The following LARGE1 variants were observed in gnomAD, a reference collection of about 807,000 sequenced individuals.
LARGE1 encodes LARGE xylosyl- and glucuronyltransferase 1, also known as xylosyl- and glucuronyltransferase LARGE1.
A neutral mutation model predicts 87.6 loss-of-function variants in LARGE1; 43 were observed. The ratio of observed to expected loss-of-function variants is 0.49; its 90% CI spans 0.38 to 0.63. LARGE1 has a LOEUF of 0.63. LARGE1 is among the 30% of genes least tolerant of loss of function. The pLI is 0.00. For missense variants in LARGE1, 802 were observed against 1,000.2 expected (o/e 0.80, Z 2.67); for synonymous variants, 434 against 394.6 (o/e 1.10, Z -1.18).
the LARGE1 span, among the ~76,000 whole-genome samples, chr22:33,079,391 A>C: frequency 2.6e-5 from 4 of 151,348 alleles, no homozygotes; most frequent in African/African-American, 7.3e-5. Flanking sequence ...CCACGCCCGG[A>C]TAATTTTTTG....
At chr22:33,234,511 A>G (rs1156620424) in intron 11 of LARGE1, among the ~76,000 whole-genome samples, 1 of 151,988 alleles carries the variant, frequency 6.6e-6, no homozygotes, top group East Asian at 1.9e-4. Context: ...TTTATAATAA[A>G]AAAGCAAGTT....
chr22:33,637,154 C>T (rs2080291534), intron 3 of LARGE1, among the ~76,000 whole-genome samples: 1 of 152,090 alleles, frequency 6.6e-6, no homozygotes, highest in Admixed American at 6.6e-5. Context: ...GCCTTGTCAC[C>T]TCTCCCCAGA....
chr22:33,851,908 G>A (rs1287182231), intron 1 of LARGE1, among the ~76,000 whole-genome samples: 2 of 152,194 alleles, frequency 1.3e-5, no homozygotes, highest in Admixed American at 1.3e-4. Flanking sequence ...GGAATGTTTG[G>A]TTGTTTTTGT....
chr22:33,139,150 C>T, the LARGE1 span, among the ~76,000 whole-genome samples: 1 of 152,112 alleles, frequency 6.6e-6, no homozygotes, highest in Non-Finnish European at 1.5e-5. Flanking sequence ...TCCAATTAAA[C>T]CCTTTTCCTT....
chr22:33,111,129 C>T, the LARGE1 span, among the ~76,000 whole-genome samples: 15 of 152,210 alleles, frequency 9.9e-5, no homozygotes, highest in African/African-American at 3.6e-4. Context: ...TTAGGAGGAG[C>T]TGGTTGTAGT....
the LARGE1 span, among the ~76,000 whole-genome samples, chr22:33,093,377 T>C: frequency 6.6e-6 from 1 of 152,178 alleles, no homozygotes; most frequent in Non-Finnish European, 1.5e-5. Context: ...TTATTTAACA[T>C]GCATGGGGAA....
chr22:33,665,901 GA>G (rs5845104), intron 2 of LARGE1, among the ~76,000 whole-genome samples: 150,482 of 150,590 alleles, frequency 1, 75,187 homozygotes, highest in East Asian at 1. Flanking sequence ...CAAGAAAAAA[GA>G]AAAAAAAAAG....
intron 6 of LARGE1, among the ~76,000 whole-genome samples, chr22:33,515,192 GCTCTTGACCCCAAAGCCACA>G (rs1384158480): frequency 3.9e-5 from 6 of 151,974 alleles, no homozygotes; most frequent in Non-Finnish European, 7.4e-5. Context: ...CAGACCGCAA[GCTCTTGACCCCAAAGCCACA>G]CTTGTTGGTG....
chr22:33,742,638 T>C (rs1601493754), intron 2 of LARGE1, among the ~76,000 whole-genome samples: 2 of 152,364 alleles, frequency 1.3e-5, no homozygotes, highest in East Asian at 3.9e-4. Flanking sequence ...CCCTACCACA[T>C]GGCGAGAGCA....
At chr22:33,346,375 T>C (rs143220392) in intron 9 of LARGE1, among the ~76,000 whole-genome samples, 2,139 of 151,866 alleles carry the variant, frequency 0.014, 68 homozygotes, top group African/African-American at 0.05. Context: ...CGATCTCAGC[T>C]CACTGCAATC....
intron 2 of LARGE1, among the ~76,000 whole-genome samples, chr22:33,689,467 A>G (rs2082034782): frequency 6.6e-6 from 1 of 152,204 alleles, no homozygotes; most frequent in Admixed American, 6.5e-5. Context: ...CAGGCAAGGA[A>G]CAGGGTTAGG....
intron 2 of LARGE1, among the ~76,000 whole-genome samples, chr22:33,752,306 C>G (rs1241506994): frequency 6.6e-6 from 1 of 152,060 alleles, no homozygotes; most frequent in Admixed American, 6.6e-5. Context: ...AAATGGCTAT[C>G]TTTTACTTAA....
At chr22:33,465,716 C>G (rs1344395491) in intron 6 of LARGE1, among the ~76,000 whole-genome samples, 1 of 152,198 alleles carries the variant, frequency 6.6e-6, no homozygotes, top group Non-Finnish European at 1.5e-5. Flanking sequence ...TTCTCCAGCC[C>G]TGGCACAGAC....
At chr22:33,279,107 ATGAG>A (rs895218479) in intron 13 of LARGE1, among the ~76,000 whole-genome samples, 8 of 152,058 alleles carry the variant, frequency 5.3e-5, no homozygotes, top group South Asian at 2.1e-4. Flanking sequence ...GAATGAATGA[ATGAG>A]TAACCTAACA....
intron 1 of LARGE1, among the ~76,000 whole-genome samples, chr22:33,808,737 CAA>C (rs1190524845): frequency 1.3e-5 from 2 of 152,300 alleles, no homozygotes; most frequent in African/African-American, 4.8e-5. Flanking sequence ...GTGTTTCATG[CAA>C]AGTCTATCCT....
chr22:33,394,486 C>T (rs2065652517), intron 7 of LARGE1, among the ~76,000 whole-genome samples: 1 of 152,200 alleles, frequency 6.6e-6, no homozygotes, highest in African/African-American at 2.4e-5. Flanking sequence ...GTGTGACCCA[C>T]TGCACCCAGC....
At chr22:33,237,481 T>C (rs1158519342) in intron 11 of LARGE1, among the ~76,000 whole-genome samples, 1 of 151,892 alleles carries the variant, frequency 6.6e-6, no homozygotes, top group Non-Finnish European at 1.5e-5. Context: ...TGAGCTCATG[T>C]AATAAGAAGA....
chr22:33,739,879 C>A (rs1004070523), intron 2 of LARGE1, among the ~76,000 whole-genome samples: 1 of 152,118 alleles, frequency 6.6e-6, no homozygotes, highest in African/African-American at 2.4e-5. Context: ...ATGAGAGCAC[C>A]TCAAGGTATG....
At chr22:33,504,308 G>A (rs1306239791) in intron 6 of LARGE1, among the ~76,000 whole-genome samples, 1 of 152,210 alleles carries the variant, frequency 6.6e-6, no homozygotes, top group Non-Finnish European at 1.5e-5. Context: ...TGCCCAGGCT[G>A]CAGTGCAGTG....
Sources: gnomAD v4.1 joint callset for allele counts (sites outside exome capture counted in the v4.1 genomes callset) on GRCh38, gnomAD v4.1.1 for gene constraint, MANE v1.5 for transcripts, NCBI Gene and HGNC (gene_info 2026-07-23, HGNC 2026-07-21) for gene names.